Variants in ASTN2 observed in about 807,000 individuals in gnomAD.
ASTN2 encodes the protein astrotactin-2.
ASTN2 carries 54 observed loss-of-function variants against 139.8 expected under a neutral mutation model. The ratio of observed to expected loss-of-function variants is 0.39; its 90% CI spans 0.31 to 0.48. The LOEUF (loss-of-function observed/expected upper bound fraction) is 0.48. ASTN2 is among the 20% of genes least tolerant of loss of function. The pLI, the probability that ASTN2 is intolerant of heterozygous loss-of-function variation, is 0.95. For synonymous variants in ASTN2, 756 were observed against 719.5 expected, an observed-to-expected ratio of 1.05 and a Z score of -0.81; for missense variants, 1,565 against 1,725.1, an observed-to-expected ratio of 0.91 and a Z score of 1.64.
Position 116,615,451 on chromosome 9 carries a change from A to C in ASTN2, c.3355+2873T>G, listed in dbSNP as rs574162728. Reference sequence around the variant, plus strand: ...GTATGTTTATTGTGGCACTATTCACAATAGCAAAGACTTGGAACCAACCCA... The same window carrying C: ...GTATGTTTATTGTGGCACTATTCACCATAGCAAAGACTTGGAACCAACCCA... On this transcript the variant is annotated intron_variant, in intron 19 of 22. Coordinates refer to ENST00000313400, the MANE Select transcript of ASTN2 (RefSeq NM_001365068.1). 7.2e-4 allele frequency among the ~76,000 whole-genome samples: 109 copies of C among 152,190 alleles called. 1 individual carries two copies. The highest frequency in any genetic ancestry group is 2.5e-3 in the African/African-American group (105 of 41,524).
At chr9:116,530,878 C>T (rs1052928145) in intron 19 of ASTN2, among the ~76,000 whole-genome samples, 11 of 152,098 alleles carry the variant, frequency 7.2e-5, no homozygotes, top group African/African-American at 9.7e-5. Context: ...CCCCCAATAG[C>T]GGGGACCATT....
intron 13 of ASTN2, among the ~76,000 whole-genome samples, chr9:116,737,756 A>G (rs1828977740): frequency 6.6e-6 from 1 of 152,138 alleles, no homozygotes; most frequent in Non-Finnish European, 1.5e-5. Context: ...GTGTCAAGAT[A>G]TAGTAGCGTA....
At chr9:116,506,889 C>T (rs1850135146) in intron 19 of ASTN2, among the ~76,000 whole-genome samples, 1 of 152,062 alleles carries the variant, frequency 6.6e-6, no homozygotes, top group African/African-American at 2.4e-5. Flanking sequence ...CTCTGACTTG[C>T]TTTTTTACTT....
chr9:117,088,723 G>A (rs969120132), intron 5 of ASTN2, among the ~76,000 whole-genome samples: 42 of 152,310 alleles, frequency 2.8e-4, no homozygotes, highest in African/African-American at 9.1e-4. Context: ...AAGCAGCAAA[G>A]CTTAGAGGAA....
intron 19 of ASTN2, among the ~76,000 whole-genome samples, chr9:116,614,993 C>A (rs1855764927): frequency 6.6e-6 from 1 of 152,112 alleles, no homozygotes. Context: ...AGGCTAATAT[C>A]CAGAATCTAC....
rs1359173053 is a variant in ASTN2, at chr9:116,565,383, C to A, written c.3355+52941G>T. Among the ~76,000 whole-genome samples, 163 of 36,032 alleles carry A rather than the reference C, an allele frequency of 4.5e-3. 2 individuals are homozygous for A. The highest frequency in any genetic ancestry group is 6.3e-3 in the Non-Finnish European group (138 of 21,998). 23.6% of individuals were successfully genotyped at this position (36,032 alleles called of 152,430 possible). On this transcript the variant is annotated intron_variant, in intron 19 of 22. Coordinates refer to ENST00000313400, the MANE Select transcript of ASTN2 (RefSeq NM_001365068.1). ...TCTCTCTCTCTCTCTCTCTCTCTCT[C>A]TCTCCATATATATATATATATATAT... is the stretch of plus-strand genomic sequence containing the variant.
chr9:116,973,185 A>G (rs965526762), intron 10 of ASTN2, among the ~76,000 whole-genome samples: 2 of 152,202 alleles, frequency 1.3e-5, no homozygotes, highest in African/African-American at 4.8e-5. Flanking sequence ...TCTATGCCTC[A>G]GGTTTGTTTA....
At chr9:116,632,797 C>A (rs934696909) in intron 17 of ASTN2, among the ~76,000 whole-genome samples, 5 of 152,216 alleles carry the variant, frequency 3.3e-5, no homozygotes, top group African/African-American at 1.2e-4. Flanking sequence ...AAAGCCCTTA[C>A]TGCACCTTTG....
At chr9:116,684,171 T>TA (rs749940932) in intron 16 of ASTN2, among the ~76,000 whole-genome samples, 3 of 152,192 alleles carry the variant, frequency 2.0e-5, no homozygotes, top group Admixed American at 6.5e-5. Context: ...TAAAAACTCT[T>TA]ATCTGAGATT....
chr9:116,687,384 A>C (rs1588199453), intron 16 of ASTN2: 2 of 115,188 alleles, frequency 1.7e-5, no homozygotes, highest in African/African-American at 3.8e-5. Context: ...GCGGTCAGGT[A>C]GGGGGCGGGA....
At chr9:117,095,305 A>G (rs1285946286) in intron 5 of ASTN2, among the ~76,000 whole-genome samples, 1 of 152,222 alleles carries the variant, frequency 6.6e-6, no homozygotes, top group Non-Finnish European at 1.5e-5. Context: ...TGCCTGAAAT[A>G]TGCTGTTTTC....
intron 3 of ASTN2, chr9:117,196,998 A>G (rs1831526686): frequency 6.6e-6 from 1 of 152,122 alleles, no homozygotes; most frequent in Non-Finnish European, 1.5e-5. Flanking sequence ...TGTGATTCTG[A>G]TTTTTGGTAC....
chr9:116,686,886 G>A, intron 16 of ASTN2: 1 of 1,527,810 alleles, frequency 6.5e-7, no homozygotes, highest in Non-Finnish European at 8.8e-7. Context: ...GGGAGTCCCG[G>A]TTCTCGACTT....
chr9:117,157,512 AG>A (rs779840801), intron 3 of ASTN2, among the ~76,000 whole-genome samples: 1 of 152,146 alleles, frequency 6.6e-6, no homozygotes. Context: ...AAAAATGAAA[AG>A]GGGGAGAATA....
intron 10 of ASTN2, among the ~76,000 whole-genome samples, chr9:116,925,861 A>AACAC (rs573361389): frequency 0.012 from 634 of 54,124 alleles, 5 homozygotes; most frequent in East Asian, 0.027. Flanking sequence ...TACACAACAC[A>AACAC]ACACACACAC....
At chr9:116,446,282 G>T (rs4995480) in intron 20 of ASTN2, among the ~76,000 whole-genome samples, 26,040 of 142,626 alleles carry the variant, frequency 0.18, 2,773 homozygotes, top group Middle Eastern at 0.26. Flanking sequence ...TAGAGAGAGA[G>T]AGAGAGAGAG....
At chr9:117,226,592 G>GGTT (rs1564490882) in intron 2 of ASTN2, among the ~76,000 whole-genome samples, 18 of 148,988 alleles carry the variant, frequency 1.2e-4, no homozygotes, top group African/African-American at 3.7e-4. Flanking sequence ...TCATAAAGCG[G>GGTT]GTTTGTTTGT....
At chr9:116,851,853 C>T (rs1832617689) in intron 11 of ASTN2, among the ~76,000 whole-genome samples, 1 of 152,092 alleles carries the variant, frequency 6.6e-6, no homozygotes, top group African/African-American at 2.4e-5. Context: ...TGCCAAATCC[C>T]ACTGGCTCTT....
At chr9:116,659,956 T>G (rs1588153277) in intron 16 of ASTN2, among the ~76,000 whole-genome samples, 1 of 152,200 alleles carries the variant, frequency 6.6e-6, no homozygotes, top group Non-Finnish European at 1.5e-5. Flanking sequence ...CCCAGAGTTA[T>G]GTACTTTATG....
Sources: allele counts gnomAD v4.1 joint callset (sites outside exome capture counted in the v4.1 genomes callset), GRCh38; gene constraint gnomAD v4.1.1; transcripts MANE v1.5; gene names NCBI Gene and HGNC (gene_info 2026-07-23, HGNC 2026-07-21).